KCNT1: variants seen among roughly 807,000 people sequenced by gnomAD.
KCNT1 encodes potassium sodium-activated channel subfamily T member 1.
Under a neutral mutation model 147.8 loss-of-function variants are expected in KCNT1, and 78 were observed. The ratio of observed to expected loss-of-function variants is 0.53; its 90% CI spans 0.44 to 0.64. KCNT1 has a LOEUF of 0.64. Ranked by LOEUF, KCNT1 falls within the 30% of genes least tolerant of loss-of-function variation. The probability of loss-of-function intolerance (pLI) is 0.00; values close to 1 mark genes in which losing one functional copy is unlikely to be tolerated. For missense variants in KCNT1, 1,419 were observed against 1,750.3 expected (o/e 0.81, Z 3.38); for synonymous variants, 867 against 748.8 (o/e 1.16, Z -2.58).
chr9:135,715,186 C>G (rs1301083532), intron 2 of KCNT1, among the ~76,000 whole-genome samples: 1 of 152,224 alleles, frequency 6.6e-6, no homozygotes, highest in Non-Finnish European at 1.5e-5. Flanking sequence ...GACCTGGTCA[C>G]TTATTCCGAG....
rs769546006 is a variant in KCNT1, at chr9:135,778,708, G to A, written c.2615G>A (p.Cys872Tyr). The change falls in exon 23 of 31, where the codon TGT becomes TAT. Residue 872 changes from cysteine to tyrosine, a missense_variant. Physicochemically the swap from Cys to Tyr is radical, Grantham distance 194 (BLOSUM62 -2). Coordinates refer to ENST00000371757, the MANE Select transcript of KCNT1 (RefSeq NM_020822.3). The part of the protein sequence containing the change: ...SVDNLDSLLQ[C>Y]GIIYADNLVV... ...ACCAGCCTGGACAGCCTGCTGCAGTGTGGCATCATCTATGCGGACAACCTG... is the reference window on the plus strand; with the variant it reads ...ACCAGCCTGGACAGCCTGCTGCAGTATGGCATCATCTATGCGGACAACCTG... 11 of 1,613,498 alleles carry A rather than the reference G, an allele frequency of 6.8e-6. No homozygotes were observed. The highest frequency in any genetic ancestry group is 2.2e-5 in the East Asian group (1 of 44,842).
At chr9:135,791,381 CTGCAGGTGTG>C (rs1366716677) in intron 29 of KCNT1, 22 of 232,194 alleles carry the variant, frequency 9.5e-5, no homozygotes, top group Middle Eastern at 3.2e-3. Flanking sequence ...AGAGGTGAAT[CTGCAGGTGTG>C]TGCAGGTGTA....
rs1446587740 is a variant in KCNT1 at position 135,770,055 on chromosome 9, A to G, written c.1619A>G (p.Gln540Arg). The change falls in exon 16 of 31, where the codon CAG becomes CGG. Residue 540 changes from glutamine to arginine, a missense_variant and splice_region_variant. Coordinates refer to ENST00000371757, the MANE Select transcript of KCNT1 (RefSeq NM_020822.3). ...ITLLVHTSRG[Q>R]EGQESPEQWQ... ...CTGCTGGTGCACACGTCCCGCGGCC[A>G]GTGAGTGCCCCGTGCCCCGGGGGAC... 8.4e-6 allele frequency: 13 copies of G among 1,548,952 alleles called. No individual in the cohort carries two copies. The highest frequency in any genetic ancestry group is 2.7e-5 in the African/African-American group (2 of 72,996).
intron 24 of KCNT1, 30 bp downstream of exon 24, chr9:135,779,500 AC>A (rs779800307): frequency 6.8e-7 from 1 of 1,475,450 alleles, no homozygotes; most frequent in Admixed American, 1.7e-5. Flanking sequence ...GCCAGCTGCC[AC>A]CCCAGAATCC....
chr9:135,762,224 G>T (rs890499812), intron 11 of KCNT1, among the ~76,000 whole-genome samples: 1 of 152,158 alleles, frequency 6.6e-6, no homozygotes, highest in Non-Finnish European at 1.5e-5. Context: ...CGGGAGGATC[G>T]CTTGAGCCCA....
chr9:135,752,946 G>T lies in KCNT1; in HGVS notation c.435-991G>T, dbSNP rs1831268951. ...GGATGGATGGATGGACAGATAAGTA[G>T]ATGGATAGATGGATGAGTGGATGGA... On this transcript the variant is annotated intron_variant, in intron 4 of 30. Transcript: ENST00000371757. This position sits in a 1 kb window ranked among gnomAD's most constrained non-coding sequence, Gnocchi z 5.1. Among the ~76,000 whole-genome samples the T allele has an allele frequency of 6.6e-6, 1 of 151,166 alleles. No homozygotes were observed. The highest frequency in any genetic ancestry group is 2.4e-5 in the African/African-American group (1 of 41,140).
In KCNT1 at chr9:135,778,741, T is replaced by C. The variant is rs761236942; in HGVS notation, c.2648T>C (p.Val883Ala). ...ATCTATGCGGACAACCTGGTGGTGG[T>C]GGACAAGGAGAGCACCATGAGCGCC... is the stretch of plus-strand genomic sequence containing the variant. ...GIIYADNLVV[V>A]DKESTMSAEE... is the part of the protein sequence containing the mutation. Residue 883 changes from valine (V) to alanine (A), a missense_variant, in exon 23 of 31, where the codon GTG becomes GCG. Around this residue, in one of 5 missense-constraint regions of KCNT1, gnomAD observed 247 missense variants for 397.1 expected, o/e 0.62. Coordinates refer to ENST00000371757, the MANE Select transcript of KCNT1 (RefSeq NM_020822.3). The C allele has an allele frequency of 3.1e-6, 5 of 1,613,582 alleles. No homozygotes were observed. Among genetic ancestry groups the C allele is most frequent in the Non-Finnish European group, 2.5e-6 (3 of 1,179,878 alleles).
At chr9:135,779,708 C>T (rs564173072) in intron 24 of KCNT1, among the ~76,000 whole-genome samples, 3 of 152,372 alleles carry the variant, frequency 2.0e-5, no homozygotes, top group South Asian at 2.1e-4. Context: ...GAATGTGGCC[C>T]ATAGCAGCCT....
At chr9:135,733,013 C>G (rs940064515) in intron 2 of KCNT1, among the ~76,000 whole-genome samples, 110 of 152,086 alleles carry the variant, frequency 7.2e-4, no homozygotes, top group African/African-American at 2.3e-3. Flanking sequence ...ACTCAGAAGA[C>G]AGGAGCAGTG....
chr9:135,712,200 C>T (rs1835528846), intron 1 of KCNT1, among the ~76,000 whole-genome samples: 1 of 152,214 alleles, frequency 6.6e-6, no homozygotes, highest in Non-Finnish European at 1.5e-5. Context: ...TCAGCCCTGG[C>T]TCCAAGGGGT....
At position 135,752,179 on chromosome 9, in the gene KCNT1, C is replaced by T; in HGVS notation, c.434+1138C>T. On this transcript the variant is annotated intron_variant, in intron 4 of 30. Coordinates refer to ENST00000371757, the MANE Select transcript of KCNT1 (RefSeq NM_020822.3). The surrounding 1 kb of genome is among the most constrained non-coding windows in gnomAD (Gnocchi z 5.1). The stretch of plus-strand genomic sequence containing the variant: ...GTGAACCCTGCCAGCATGCTGGTCC[C>T]CCCTCTGGCTGCGCAGAGCAGGTTC... 2.8e-6 allele frequency: 1 copy of T among 352,742 alleles called. No homozygotes were observed. The highest frequency in any genetic ancestry group is 2.1e-5 in the South Asian group (1 of 46,836). 21.9% of individuals were successfully genotyped at this position (352,742 alleles called of 1,614,324 possible).
At chr9:135,771,139 T>TGGCGGGAGACCA (rs758920332) in intron 18 of KCNT1, 44 bp downstream of exon 18, 4 of 1,548,694 alleles carry the variant, frequency 2.6e-6, no homozygotes, top group African/African-American at 1.4e-5. Context: ...CCTGCTCCTT[T>TGGCGGGAGACCA]GGCGGGAGAC....
At chr9:135,738,135 G>A (rs1286262486) in intron 2 of KCNT1, among the ~76,000 whole-genome samples, 1 of 152,204 alleles carries the variant, frequency 6.6e-6, no homozygotes, top group East Asian at 1.9e-4. Context: ...AGCCCGCAGT[G>A]CAGTGCAGCA....
At chr9:135,741,799 T>C (rs1472742170) in intron 2 of KCNT1, among the ~76,000 whole-genome samples, 1 of 152,248 alleles carries the variant, frequency 6.6e-6, no homozygotes, top group Non-Finnish European at 1.5e-5. Flanking sequence ...TGAACCTTTG[T>C]TTTCTTTTCT....
In KCNT1 at chr9:135,791,799, G is replaced by A. The variant is rs768746178; in HGVS notation, c.3505G>A (p.Glu1169Lys). Residue 1169 changes from glutamate (E) to lysine (K), a missense_variant and splice_region_variant, in exon 30 of 31, where the codon GAG becomes AAG. Around this residue, in one of 5 missense-constraint regions of KCNT1, gnomAD observed 306 missense variants for 294.2 expected, o/e 1.04. Transcript: ENST00000371757. ...HLGLPTTGYD[E>K]MNDHQNTLSY... The stretch of plus-strand genomic sequence containing the variant: ...CTGCCCGGCTGTGTCCTTTGCAGAC[G>A]AGATGAACGACCACCAGAACACCCT... 2.6e-5 allele frequency: 42 copies of A among 1,613,594 alleles called. No homozygotes were observed. The highest frequency in any genetic ancestry group is 6.7e-5 in the African/African-American group (5 of 74,854).
rs138306663 is a variant in KCNT1 at position 135,768,628 on chromosome 9, C to G, written c.1356C>G (p.Ala452=). The part of the protein sequence containing the change: ...LMRAKMDNGE[A]CFILSSRNEV... ...ATTGCAGGATGGACAATGGGGAGGC[C>G]TGCTTCATCCTCAGCAGCAGGAACG... The change falls in exon 14 of 31, where the codon GCC becomes GCG. Residue 452 remains alanine, a synonymous_variant. Coordinates refer to ENST00000371757, the MANE Select transcript of KCNT1 (RefSeq NM_020822.3). 1 of 1,550,420 alleles carries G rather than the reference C, an allele frequency of 6.4e-7. No homozygotes were observed. Among genetic ancestry groups the G allele is most frequent in the African/African-American group, 1.4e-5 (1 of 72,994 alleles).
At chr9:135,770,716 A>G (rs1588361340) in intron 17 of KCNT1, 141 bp from the exon 18 acceptor site, 2 of 898,800 alleles carry the variant, frequency 2.2e-6, no homozygotes, top group Non-Finnish European at 3.4e-6. Flanking sequence ...GGGCTCAGCC[A>G]AGGTCCCTGA....
chr9:135,742,830 G>A, intron 2 of KCNT1: 1 of 717,120 alleles, frequency 1.4e-6, no homozygotes, highest in Non-Finnish European at 2.6e-6. Flanking sequence ...GCTTTGCAAG[G>A]GAGGAACTGT....
chr9:135,768,029 G>T (rs913878183), intron 13 of KCNT1, among the ~76,000 whole-genome samples: 2 of 146,978 alleles, frequency 1.4e-5, no homozygotes, highest in East Asian at 2.0e-4. Flanking sequence ...GCCCCCACCC[G>T]CTGTCAGCCT....
Sources: gnomAD v4.1 joint callset for allele counts (sites outside exome capture counted in the v4.1 genomes callset) on GRCh38, gnomAD v4.1.1 for gene constraint, gnomAD v4.1.1 regional missense constraint, Gnocchi (gnomAD v3.1) non-coding constraint, MANE v1.5 for transcripts, NCBI Gene and HGNC (gene_info 2026-07-23, HGNC 2026-07-21) for gene names.